The following SCART1 variants were observed in gnomAD, a reference collection of about 807,000 sequenced individuals.
SCART1 encodes scavenger receptor family member expressed on T cells 1.
SCART1 carries 62 observed loss-of-function variants against 36.2 expected under a neutral mutation model. That is an observed-to-expected ratio of 1.71 (90% confidence interval 1.40 to 2.12). The LOEUF (loss-of-function observed/expected upper bound fraction) is 2.12, where lower values mean the gene tolerates loss of function less well. Ranked by LOEUF, SCART1 falls within the 30% of genes most tolerant of loss-of-function variation. The probability of loss-of-function intolerance (pLI) is 0.00; values close to 1 mark genes in which losing one functional copy is unlikely to be tolerated. For missense variants in SCART1, 1,041 were observed against 540.5 expected (o/e 1.93, Z -9.18); for synonymous variants, 487 against 238.7 (o/e 2.04, Z -9.59).
At chr10:133,459,235 G>T in exon 5 of SCART1, 1 of 696,170 alleles carries the variant, frequency 1.4e-6, no homozygotes, top group South Asian at 1.5e-5. Context: ...TTCACTGTGA[G>T]GGGACAGAGT....
intron 2 of SCART1, 108 bp downstream of exon 2, chr10:133,456,662 G>A (rs545191635): frequency 3.0e-5 from 18 of 591,210 alleles, no homozygotes; most frequent in Admixed American, 8.9e-5. Context: ...GGCGGGTCTC[G>A]GAGACGGGCG....
chr10:133,467,413 A>G (rs768526749), intron 11 of SCART1, 60 bp downstream of exon 11: 14 of 655,720 alleles, frequency 2.1e-5, no homozygotes, highest in Non-Finnish European at 3.9e-5. Context: ...GCTGACCACA[A>G]GATGCAGTGG....
rs117063209 is a variant in SCART1, at chr10:133,464,120, C to T, written c.1970-486C>T. 1,166 of 155,964 alleles carry T rather than the reference C, an allele frequency of 7.5e-3. 10 individuals carry two copies. Among genetic ancestry groups the T allele is most frequent in the Middle Eastern group, 0.046 (14 of 306 alleles). 9.7% of individuals were successfully genotyped at this position (155,964 alleles called of 1,614,324 possible). A position where few individuals can be genotyped will look rare whatever the true frequency, so the allele number is the denominator to read the frequency against. ...TTAACACAGTGTCCTCCAGTTCCAT[C>T]CGTATTGCTGCAAATGATGGGATTT... On this transcript the variant is annotated intron_variant, in intron 6 of 11. Transcript: ENST00000640237.
At chr10:133,457,676 C>A (rs1284050551) in intron 3 of SCART1, 101 bp downstream of exon 3, 4 of 586,718 alleles carry the variant, frequency 6.8e-6, no homozygotes, top group Admixed American at 6.6e-5. Flanking sequence ...CACGGATGGG[C>A]CCCCCTGTCC....
At chr10:133,463,994 T>G (rs1430477986) in intron 6 of SCART1, among the ~76,000 whole-genome samples, 1 of 152,142 alleles carries the variant, frequency 6.6e-6, no homozygotes. Flanking sequence ...TCCCAACCTC[T>G]AGTATCCTCT....
At chr10:133,463,547 C>T (rs1278653949) in intron 6 of SCART1, among the ~76,000 whole-genome samples, 5 of 141,822 alleles carry the variant, frequency 3.5e-5, no homozygotes, top group Non-Finnish European at 6.1e-5. Context: ...TGGGATCATG[C>T]AGAATTTGTC....
exon 2 of SCART1, chr10:133,456,417 T>C (rs1001822574): frequency 2.8e-6 from 2 of 702,744 alleles, no homozygotes; most frequent in Non-Finnish European, 5.2e-6. Context: ...TATGTCCCGC[T>C]GCCTGGAGAG....
intron 11 of SCART1, 69 bp downstream of exon 11, chr10:133,467,422 G>A: frequency 1.6e-6 from 1 of 643,718 alleles, no homozygotes. Context: ...AAGATGCAGT[G>A]GAAAGGGACT....
At chr10:133,458,781 G>C in intron 4 of SCART1, 125 bp downstream of exon 4, 1 of 672,508 alleles carries the variant, frequency 1.5e-6, no homozygotes, top group Non-Finnish European at 2.6e-6. Context: ...TCTGTTGGTT[G>C]AAAGAAGCGC....
chr10:133,467,611 C>T (rs565096345), intron 11 of SCART1, among the ~76,000 whole-genome samples: 239 of 152,188 alleles, frequency 1.6e-3, no homozygotes, highest in African/African-American at 5.3e-3. Context: ...TGCTGGGAGC[C>T]GCGGGTCTGG....
At position 133,467,388 on chromosome 10, in the gene SCART1, G is replaced by C. The variant is rs931692520; in HGVS notation, c.2962+35G>C. On this transcript the variant is annotated intron_variant, in intron 11 of 11. Coordinates refer to ENST00000640237, the Ensembl canonical transcript of SCART1. ...TGCTCCAGCTCAGGGGTGAGCTCTG[G>C]GGTGGGCTACGGATGCTGACCACAA... 4.4e-6 allele frequency: 3 copies of C among 683,524 alleles called. No homozygotes were observed. The African/African-American group carries it at 5.3e-5, about 12-fold the overall frequency. The allele number at this position is 683,524 out of a possible 1,614,324, so 42.3% of individuals were successfully genotyped here.
downstream of SCART1, chr10:133,469,279 A>T (rs1850793036): frequency 6.6e-6 from 1 of 152,166 alleles, no homozygotes; most frequent in South Asian, 2.1e-4. Context: ...TCTGGACATT[A>T]GCCCTTTGTC....
intron 4 of SCART1, 105 bp downstream of exon 4, chr10:133,458,761 G>A (rs1437586016): frequency 1.5e-6 from 1 of 674,952 alleles, no homozygotes; most frequent in Non-Finnish European, 2.6e-6. Flanking sequence ...GGGTGCTTTT[G>A]ATGTTTGCTT....
rs1023190412 is a variant in SCART1, at chr10:133,459,473, G to A, written c.1286-14G>A. 2.4e-5 allele frequency: 15 copies of A among 626,430 alleles called. No homozygotes were observed. Among genetic ancestry groups the A allele is most frequent in the Admixed American group, 7.8e-5 (3 of 38,618 alleles). 38.8% of individuals were successfully genotyped at this position (626,430 alleles called of 1,614,324 possible). A position where few individuals can be genotyped will look rare whatever the true frequency, so the allele number is the denominator to read the frequency against. On this transcript the variant is annotated splice_polypyrimidine_tract_variant and intron_variant, in intron 5 of 11. Transcript: ENST00000640237. ...CCGCTGACATCTTGGGCCCCTGTGC[G>A]TCCCCATCCCCAGGTCTGGCCCACG...
At chr10:133,462,047 C>G (rs533565754) in intron 6 of SCART1, among the ~76,000 whole-genome samples, 1 of 152,366 alleles carries the variant, frequency 6.6e-6, no homozygotes, top group Admixed American at 6.5e-5. Flanking sequence ...TGGGTCTCAG[C>G]TATGCCTCGG....
chr10:133,465,911 A>C (rs1306671564), intron 9 of SCART1: 9 of 674,640 alleles, frequency 1.3e-5, no homozygotes, highest in Non-Finnish European at 2.5e-5. Flanking sequence ...ACCTTAGCAA[A>C]AGCAGCAGCA....
chr10:133,462,905 G>A (rs1221222411), intron 6 of SCART1, among the ~76,000 whole-genome samples: 1 of 152,028 alleles, frequency 6.6e-6, no homozygotes, highest in African/African-American at 2.4e-5. Context: ...AACAGGCAGG[G>A]GATACTTATG....
intron 1 of SCART1, among the ~76,000 whole-genome samples, chr10:133,455,723 G>T (rs1161647173): frequency 6.6e-6 from 1 of 152,070 alleles, no homozygotes; most frequent in Non-Finnish European, 1.5e-5. Context: ...GGTATGGGTG[G>T]GGTAGTGGGG....
At chr10:133,458,976 T>C (rs763396142) in intron 4 of SCART1, 45 bp from the exon 5 acceptor site, 1 of 644,298 alleles carries the variant, frequency 1.6e-6, no homozygotes, top group South Asian at 1.7e-5. Flanking sequence ...AGCCATGTTC[T>C]GGGTCGGCCG....
Sources: allele counts gnomAD v4.1 joint callset (sites outside exome capture counted in the v4.1 genomes callset), GRCh38; gene constraint gnomAD v4.1.1; transcripts MANE v1.5; gene names NCBI Gene and HGNC (gene_info 2026-07-23, HGNC 2026-07-21).